Variants in VAC14 observed in about 807,000 individuals in gnomAD.
VAC14 encodes VAC14 component of PIKFYVE complex.
A neutral mutation model predicts 85.3 loss-of-function variants in VAC14; 47 were observed. That is an observed-to-expected ratio of 0.55 (90% CI 0.44 to 0.70). The LOEUF is 0.70. Ranked by LOEUF, VAC14 falls within the 30% of genes least tolerant of loss-of-function variation. VAC14 has a pLI of 0.00. For synonymous variants in VAC14, 447 were observed against 430.5 expected (o/e 1.04, Z -0.47); for missense variants, 861 against 1,004.3 (o/e 0.86, Z 1.93).
At chr16:70,753,011 G>GGTGTGTGTGTGT (rs372860764) in intron 12 of VAC14, among the ~76,000 whole-genome samples, 206 of 143,058 alleles carry the variant, frequency 1.4e-3, no homozygotes, top group Admixed American at 2.6e-3. Flanking sequence ...AGGAGGAGGG[G>GGTGTGTGTGTGT]GTGTGTGTGT....
At chr16:70,706,791 T>G (rs751806104) in intron 14 of VAC14, among the ~76,000 whole-genome samples, 11 of 152,204 alleles carry the variant, frequency 7.2e-5, no homozygotes, top group Non-Finnish European at 1.5e-4. Context: ...CACGCCTGGA[T>G]AGCCCTTGTT....
intron 9 of VAC14, among the ~76,000 whole-genome samples, chr16:70,774,579 G>A (rs1000257929): frequency 6.6e-6 from 1 of 152,120 alleles, no homozygotes; most frequent in African/African-American, 2.4e-5. Flanking sequence ...CCTCAAACAT[G>A]TCCCCAGTGA....
chr16:70,727,075 C>T (rs77332131), intron 14 of VAC14, among the ~76,000 whole-genome samples: 3,942 of 152,294 alleles, frequency 0.026, 178 homozygotes, highest in African/African-American at 0.089. Flanking sequence ...TCAAGAACTC[C>T]CGATGCCTCT....
intron 14 of VAC14, among the ~76,000 whole-genome samples, chr16:70,705,372 T>C (rs576109166): frequency 6.6e-6 from 1 of 152,366 alleles, no homozygotes; most frequent in African/African-American, 2.4e-5. Flanking sequence ...AGCACTGGCC[T>C]GCAGGGCCCT....
chr16:70,687,862 G>A lies in VAC14; in HGVS notation c.*66C>T. The A allele has an allele frequency of 7.3e-7, 1 of 1,379,292 alleles. No homozygotes were observed. The highest frequency in any genetic ancestry group is 9.5e-7 in the Non-Finnish European group (1 of 1,056,522). The allele number at this position is 1,379,292 out of a possible 1,614,324, so 85.4% of individuals were successfully genotyped here. The stretch of plus-strand genomic sequence containing the variant: ...GACAGGCAGGTCCTTGAGCTCCTCG[G>A]GAGGGCGTGACGACCCTTAGTGTTT... On this transcript the variant is annotated 3_prime_UTR_variant, in exon 19 of 19. Transcript: ENST00000261776.
chr16:70,739,996 T>C (rs1316788398), intron 13 of VAC14, among the ~76,000 whole-genome samples: 2 of 152,180 alleles, frequency 1.3e-5, no homozygotes, highest in Non-Finnish European at 2.9e-5. Context: ...AGTCTCGCTC[T>C]GTTGCCCAGG....
At position 70,762,740 on chromosome 16, in the gene VAC14, C is replaced by A. The variant is rs757581674; in HGVS notation, c.1306-135G>T. ...TTCCCTCCCCGACACAATGAGGGCT[C>A]CTCGCAGCACCTGTCACTTCTCTGC... On this transcript the variant is annotated intron_variant, in intron 11 of 18. Coordinates refer to ENST00000261776, the MANE Select transcript of VAC14 (RefSeq NM_018052.5). This position sits in a 1 kb window ranked among gnomAD's most constrained non-coding sequence, Gnocchi z 4.1. The A allele has an allele frequency of 2.0e-6, 3 of 1,492,944 alleles. No homozygotes were observed. The highest frequency in any genetic ancestry group is 2.7e-6 in the Non-Finnish European group (3 of 1,091,610). 92.5% of individuals were successfully genotyped at this position (1,492,944 alleles called of 1,614,324 possible). A position where few individuals can be genotyped will look rare whatever the true frequency, so the allele number is the denominator to read the frequency against.
rs887210791 is a variant in VAC14, at chr16:70,744,530, G to A, written c.1421C>T (p.Ala474Val). 1.9e-6 allele frequency: 3 copies of A among 1,611,626 alleles called. No individual in the cohort carries two copies. The highest frequency in any genetic ancestry group is 2.5e-6 in the Non-Finnish European group (3 of 1,179,288). The change falls in exon 13 of 19, where the codon GCA becomes GTA. Residue 474 changes from alanine (A) to valine (V), a missense_variant. Coordinates refer to ENST00000261776, the MANE Select transcript of VAC14 (RefSeq NM_018052.5). Reference protein sequence around the residue: ...EVLAEIASSPAGQTDDPGPLD... With the variant: ...EVLAEIASSPVGQTDDPGPLD... Reference sequence around the variant, plus strand: ...GGGGCCTGGGTCATCCGTCTGGCCTGCGGGGGAGGAAGCGATTTCTGCCAG... The same window carrying A: ...GGGGCCTGGGTCATCCGTCTGGCCTACGGGGGAGGAAGCGATTTCTGCCAG...
rs538565357 is a variant in VAC14, at chr16:70,762,450, C to T, written c.1371+90G>A. The T allele has an allele frequency of 8.3e-5, 106 of 1,281,214 alleles. 1 individual carries two copies. In the South Asian group the frequency reaches 1.3e-3, roughly 15 times the overall value. 79.4% of individuals were successfully genotyped at this position (1,281,214 alleles called of 1,614,324 possible). ...CACAGCTTTACCTCTAGGAAGGATGCACTGTACCAAAATAAGCATATCTCA... is the reference window on the plus strand; with the variant it reads ...CACAGCTTTACCTCTAGGAAGGATGTACTGTACCAAAATAAGCATATCTCA... On this transcript the variant is annotated intron_variant, in intron 12 of 18. Transcript: ENST00000261776. The surrounding 1 kb of genome is among the most constrained non-coding windows in gnomAD (Gnocchi z 4.1).
At chr16:70,781,683 C>T (rs1030591489) in intron 8 of VAC14, among the ~76,000 whole-genome samples, 186 bp downstream of exon 8, 1 of 152,108 alleles carries the variant, frequency 6.6e-6, no homozygotes, top group African/African-American at 2.4e-5. Flanking sequence ...TGGGGACAGC[C>T]AGCATCAGCC....
chr16:70,690,262 G>A (rs1384585802), intron 18 of VAC14: 5 of 985,350 alleles, frequency 5.1e-6, no homozygotes, highest in Non-Finnish European at 6.0e-6. Context: ...TGTGTCACCG[G>A]GGGTGGGTGA....
intron 10 of VAC14, chr16:70,771,085 ACT>A (rs763860208): frequency 6.6e-5 from 10 of 151,978 alleles, no homozygotes; most frequent in African/African-American, 9.7e-5. Context: ...CCCACCATCC[ACT>A]CTAGCCCCAG....
chr16:70,737,316 T>C (rs1400071001), intron 13 of VAC14, among the ~76,000 whole-genome samples: 8 of 151,790 alleles, frequency 5.3e-5, no homozygotes, highest in Non-Finnish European at 8.8e-5. Flanking sequence ...ACCTCAGCGG[T>C]TTTACTCAGG....
chr16:70,765,094 A>AC (rs2032702684), intron 10 of VAC14, among the ~76,000 whole-genome samples: 1 of 151,456 alleles, frequency 6.6e-6, no homozygotes, highest in Admixed American at 6.6e-5. Flanking sequence ...AGCCACCCCC[A>AC]CCCCAACCTG....
rs149251040 is a variant in VAC14, at chr16:70,783,086, C to A, written c.758G>T (p.Ser253Ile). ...FLKEIKKNPS[S>I]VKFAEMANIL... ...GTTGGCCATCTCAGCAAACTTCACA[C>A]TGGAGGGGTTCTTCTTAATTTCTTT... Residue 253 changes from serine to isoleucine, a missense_variant, in exon 7 of 19, where the codon AGT (serine) becomes ATT (isoleucine). Physicochemically the swap from Ser to Ile is moderately radical, Grantham distance 142. Transcript: ENST00000261776. 1 of 1,614,086 alleles carries A rather than the reference C, an allele frequency of 6.2e-7. No homozygotes were observed. Among genetic ancestry groups the A allele is most frequent in the Admixed American group, 1.7e-5 (1 of 60,004 alleles).
At chr16:70,704,691 G>A (rs932170617) in intron 14 of VAC14, among the ~76,000 whole-genome samples, 2 of 152,182 alleles carry the variant, frequency 1.3e-5, no homozygotes, top group Non-Finnish European at 2.9e-5. Flanking sequence ...GGGAGCCTGG[G>A]GAGGGCAGAG....
At position 70,697,275 on chromosome 16, in the gene VAC14, T is replaced by C; in HGVS notation, c.1837-18A>G. 3.7e-6 allele frequency: 6 copies of C among 1,604,306 alleles called. No homozygotes were observed. Among genetic ancestry groups the C allele is most frequent in the Non-Finnish European group, 4.3e-6 (5 of 1,171,806 alleles). Reference sequence around the variant, plus strand: ...TGGCTCTCCTGTGGGGGAACAGGCATGAGCCGTGAGGACACGCCTGCTCCT... The same window carrying C: ...TGGCTCTCCTGTGGGGGAACAGGCACGAGCCGTGAGGACACGCCTGCTCCT... On this transcript the variant is annotated intron_variant, in intron 15 of 18. Transcript: ENST00000261776.
chr16:70,693,019 A>G, intron 17 of VAC14, 48 bp from the exon 18 acceptor site: 1 of 1,581,300 alleles, frequency 6.3e-7, no homozygotes. Context: ...CTGCTCTGGG[A>G]CACGCCCAGC....
intron 14 of VAC14, among the ~76,000 whole-genome samples, chr16:70,725,994 G>A (rs552259461): frequency 1.3e-5 from 2 of 152,394 alleles, no homozygotes; most frequent in Admixed American, 1.3e-4. Flanking sequence ...AAGCCAAAGC[G>A]CGGCTGGCCG....
Sources: allele counts gnomAD v4.1 joint callset (sites outside exome capture counted in the v4.1 genomes callset), GRCh38; gene constraint gnomAD v4.1.1; non-coding constraint Gnocchi (gnomAD v3.1); transcripts MANE v1.5; gene names NCBI Gene and HGNC (gene_info 2026-07-23, HGNC 2026-07-21).